The following CHST1 variants were observed in gnomAD, a reference collection of about 807,000 sequenced individuals.
CHST1 encodes the protein carbohydrate sulfotransferase 1.
A neutral mutation model predicts 22.5 loss-of-function variants in CHST1; 10 were observed. The observed-to-expected ratio is 0.44, with a 90% CI of 0.27 to 0.75. The LOEUF is 0.75. Ranked by LOEUF, CHST1 falls within the 30% of genes least tolerant of loss-of-function variation. The probability of loss-of-function intolerance (pLI) is 0.15; values close to 1 mark genes in which losing one functional copy is unlikely to be tolerated. For synonymous variants in CHST1, 267 were observed against 264.5 expected (o/e 1.01, Z -0.09); for missense variants, 439 against 576.1 (o/e 0.76, Z 2.44).
rs138003314 is a variant in CHST1 at position 45,652,512 on chromosome 11, G to A, written c.-141+9C>T. The A allele has an allele frequency of 1.3e-5, 2 of 152,326 alleles. No individual in the cohort carries two copies. Among genetic ancestry groups the A allele is most frequent in the African/African-American group, 4.8e-5 (2 of 41,562 alleles). The allele number at this position is 152,326 out of a possible 1,614,324, so 9.4% of individuals were successfully genotyped here. A position where few individuals can be genotyped will look rare whatever the true frequency, so the allele number is the denominator to read the frequency against. The stretch of plus-strand genomic sequence containing the variant: ...GTTAGCAGAAGTCAGCAAGGGCAGG[G>A]GGGCTTACCCCGGCCTCCAGGTCGA... On this transcript the variant is annotated intron_variant, in intron 2 of 3. Transcript: ENST00000308064.
intron 1 of CHST1, among the ~76,000 whole-genome samples, chr11:45,663,817 T>C (rs1852164234): frequency 6.6e-6 from 1 of 152,160 alleles, no homozygotes; most frequent in African/African-American, 2.4e-5. Flanking sequence ...CACCCATTCC[T>C]TTCCCCAGCA....
intron 1 of CHST1, among the ~76,000 whole-genome samples, chr11:45,655,160 G>A (rs45438204): frequency 0.022 from 3,411 of 152,270 alleles, 117 homozygotes; most frequent in African/African-American, 0.076. Context: ...CTCTATGTTC[G>A]CATATGCAAA....
rs561876277 is a variant in CHST1, at chr11:45,661,483, G to A, written c.-227+3695C>T. Among the ~76,000 whole-genome samples the A allele has an allele frequency of 2.4e-4, 36 of 152,370 alleles. No homozygotes were observed. In the South Asian group the frequency reaches 3.9e-3, roughly 17 times the overall value. On this transcript the variant is annotated intron_variant, in intron 1 of 3. Coordinates refer to ENST00000308064, the MANE Select transcript of CHST1 (RefSeq NM_003654.6). ...CGGGGGTAGAACCTTGGCAGGAACC[G>A]GAGAGCTGGCAAGGGGTGTCCATGG...
At chr11:45,655,787 CCT>C (rs1320684111) in intron 1 of CHST1, among the ~76,000 whole-genome samples, 1 of 152,242 alleles carries the variant, frequency 6.6e-6, no homozygotes, top group Non-Finnish European at 1.5e-5. Flanking sequence ...CACCCCCTGG[CCT>C]CTCTGTGCCT....
intron 1 of CHST1, among the ~76,000 whole-genome samples, chr11:45,658,851 CT>C (rs951218141): frequency 3.3e-5 from 5 of 152,172 alleles, no homozygotes; most frequent in Non-Finnish European, 5.9e-5. Context: ...GCCCCACCCC[CT>C]GGACACCGGG....
chr11:45,662,895 C>G (rs932997302), intron 1 of CHST1, among the ~76,000 whole-genome samples: 2 of 152,140 alleles, frequency 1.3e-5, no homozygotes, highest in African/African-American at 2.4e-5. Context: ...GAGGCCAGAG[C>G]CTTGCCCACC....
rs772396619 is a variant in CHST1 at position 45,649,648 on chromosome 11, C to A, written c.*40G>T. ...TAAAAACGGTCCATTTTATCAAAACCGACACCTTGCGCCTCCCGCCCCCAC... is the reference window on the plus strand; with the variant it reads ...TAAAAACGGTCCATTTTATCAAAACAGACACCTTGCGCCTCCCGCCCCCAC... On this transcript the variant is annotated 3_prime_UTR_variant, in exon 4 of 4. Coordinates refer to ENST00000308064, the MANE Select transcript of CHST1 (RefSeq NM_003654.6). 1.3e-6 allele frequency: 2 copies of A among 1,506,336 alleles called. No homozygotes were observed. The highest frequency in any genetic ancestry group is 2.2e-5 in the Admixed American group (1 of 45,184). The allele number at this position is 1,506,336 out of a possible 1,614,324, so 93.3% of individuals were successfully genotyped here.
chr11:45,656,540 AG>A (rs1225783413), intron 1 of CHST1, among the ~76,000 whole-genome samples: 80 of 152,304 alleles, frequency 5.3e-4, no homozygotes, highest in Non-Finnish European at 4.4e-5. Flanking sequence ...TCCCAGAGGG[AG>A]GGGGCCTCGA....
At position 45,648,689 on chromosome 11, in the gene CHST1, TCAAAA is replaced by T. The variant is rs1234475252; in HGVS notation, c.*994_*998del. On this transcript the variant is annotated 3_prime_UTR_variant, in exon 4 of 4. Transcript: ENST00000308064. The stretch of plus-strand genomic sequence containing the variant: ...CTGGGTGACAGAGCGAGACTCTGTC[TCAAAA>T]CAAAACAAAACAAAAACCTAAACTA... Among the ~76,000 whole-genome samples, 1 of 151,982 alleles carries T rather than the reference TCAAAA, an allele frequency of 6.6e-6. No homozygotes were observed. The highest frequency in any genetic ancestry group is 2.4e-5 in the African/African-American group (1 of 41,364).
intron 1 of CHST1, among the ~76,000 whole-genome samples, chr11:45,662,273 G>A (rs2120351421): frequency 6.6e-6 from 1 of 152,206 alleles, no homozygotes; most frequent in Admixed American, 6.5e-5. Context: ...CAACCCCTAG[G>A]GGCTCCAGGG....
intron 1 of CHST1, among the ~76,000 whole-genome samples, chr11:45,661,105 A>G (rs995631103): frequency 6.6e-6 from 1 of 152,234 alleles, no homozygotes; most frequent in Non-Finnish European, 1.5e-5. Flanking sequence ...GCAGGGTAAT[A>G]TATCTTGATT....
intron 1 of CHST1, among the ~76,000 whole-genome samples, chr11:45,655,159 C>T (rs575268293): frequency 6.6e-6 from 1 of 152,260 alleles, no homozygotes; most frequent in African/African-American, 2.4e-5. Flanking sequence ...CCTCTATGTT[C>T]GCATATGCAA....
intron 1 of CHST1, among the ~76,000 whole-genome samples, chr11:45,657,208 G>A (rs1207756799): frequency 5.3e-5 from 8 of 152,182 alleles, no homozygotes; most frequent in Non-Finnish European, 7.3e-5. Flanking sequence ...TGACTCTGAC[G>A]TAGCCAGCAC....
At chr11:45,659,909 C>G (rs1852108052) in intron 1 of CHST1, among the ~76,000 whole-genome samples, 1 of 152,210 alleles carries the variant, frequency 6.6e-6, no homozygotes, top group Admixed American at 6.5e-5. Flanking sequence ...AAGCTTATCA[C>G]CAGCCCACAG....
intron 3 of CHST1, 25 bp from the exon 4 acceptor site, chr11:45,650,990 C>G: frequency 6.7e-7 from 1 of 1,485,394 alleles, no homozygotes; most frequent in East Asian, 2.3e-5. Context: ...GGCCAGCGGT[C>G]AGGTGCCTCC....
chr11:45,653,027 G>C (rs1022768992), intron 1 of CHST1, among the ~76,000 whole-genome samples: 1 of 152,232 alleles, frequency 6.6e-6, no homozygotes, highest in Non-Finnish European at 1.5e-5. Context: ...CTGAGACTTA[G>C]AGCATGTTCC....
intron 1 of CHST1, among the ~76,000 whole-genome samples, chr11:45,658,945 G>A (rs1332313561): frequency 1.3e-5 from 2 of 152,234 alleles, no homozygotes; most frequent in Non-Finnish European, 2.9e-5. Context: ...GCCAGGCTGG[G>A]AGAGGGGCCC....
chr11:45,656,166 A>C (rs1218234218), intron 1 of CHST1, among the ~76,000 whole-genome samples: 1 of 152,128 alleles, frequency 6.6e-6, no homozygotes, highest in Admixed American at 6.5e-5. Context: ...TTCGAACCAC[A>C]ATCCCTCCCC....
chr11:45,658,525 A>G (rs1206914361), intron 1 of CHST1, among the ~76,000 whole-genome samples: 1 of 152,128 alleles, frequency 6.6e-6, no homozygotes, highest in Non-Finnish European at 1.5e-5. Flanking sequence ...GTCTGGGGTA[A>G]GGAAGGCACC....
Sources: gnomAD v4.1 joint callset for allele counts (sites outside exome capture counted in the v4.1 genomes callset) on GRCh38, gnomAD v4.1.1 for gene constraint, MANE v1.5 for transcripts, NCBI Gene and HGNC (gene_info 2026-07-23, HGNC 2026-07-21) for gene names.